Variants in STRIP2 observed in about 807,000 individuals in gnomAD.
STRIP2 encodes the protein striatin-interacting protein 2.
A neutral mutation model predicts 107.1 loss-of-function variants in STRIP2; 84 were observed. The ratio of observed to expected loss-of-function variants is 0.78; its 90% confidence interval spans 0.66 to 0.94. STRIP2 has a LOEUF of 0.94. STRIP2 is among the 40% of genes least tolerant of loss of function. STRIP2 has a pLI of 0.00. For synonymous variants in STRIP2, 394 were observed against 400.4 expected, an observed-to-expected ratio of 0.98 and a Z score of 0.19; for missense variants, 888 against 1,034.2, an observed-to-expected ratio of 0.86 and a Z score of 1.94.
At chr7:129,475,494 C>G (rs1052622564) in intron 18 of STRIP2, among the ~76,000 whole-genome samples, 2 of 147,832 alleles carry the variant, frequency 1.4e-5, no homozygotes, top group Non-Finnish European at 3.0e-5. Flanking sequence ...TGGGGCCTTC[C>G]GCAGTGTTTG....
At position 129,485,925 on chromosome 7, in the gene STRIP2, G is replaced by A; in HGVS notation, c.*96G>A. The A allele has an allele frequency of 7.1e-7, 1 of 1,400,930 alleles. No homozygotes were observed. The highest frequency in any genetic ancestry group is 2.3e-5 in the East Asian group (1 of 43,522). 86.8% of individuals were successfully genotyped at this position (1,400,930 alleles called of 1,614,324 possible). On this transcript the variant is annotated 3_prime_UTR_variant, in exon 21 of 21. Coordinates refer to ENST00000249344, the MANE Select transcript of STRIP2 (RefSeq NM_020704.3). Reference sequence around the variant, plus strand: ...CATACAGGCGCTGTTACCAGTTCAGGGCTCTTCTGGGGGCTCTTGGGCCTA... The same window carrying A: ...CATACAGGCGCTGTTACCAGTTCAGAGCTCTTCTGGGGGCTCTTGGGCCTA...
chr7:129,460,521 A>T (rs1798503928), intron 13 of STRIP2, 149 bp downstream of exon 13: 1 of 680,884 alleles, frequency 1.5e-6, no homozygotes, highest in Admixed American at 2.7e-5. Flanking sequence ...TGATATATTG[A>T]AGTTGGGGAA....
intron 19 of STRIP2, among the ~76,000 whole-genome samples, chr7:129,482,145 C>A (rs1799134033): frequency 6.6e-6 from 1 of 151,776 alleles, no homozygotes; most frequent in South Asian, 2.1e-4. Context: ...GAGTAAGACT[C>A]CATCTTAAAA....
In STRIP2 at chr7:129,458,817, C is replaced by CCTAG; in HGVS notation, c.1340+41_1340+44dup. 1.3e-6 allele frequency: 2 copies of CCTAG among 1,598,676 alleles called. No individual in the cohort carries two copies. The highest frequency in any genetic ancestry group is 1.7e-6 in the Non-Finnish European group (2 of 1,166,246). On this transcript the variant is annotated intron_variant, in intron 11 of 20. Coordinates refer to ENST00000249344, the MANE Select transcript of STRIP2 (RefSeq NM_020704.3). The surrounding 1 kb of genome is among the most constrained non-coding windows in gnomAD (Gnocchi z 4.6). ...GGCTGGAACTGGCTACAGAGTGGTTCCTAGGGGGCCAGAGGAGCAGGTAGC... is the reference window on the plus strand; with the variant it reads ...GGCTGGAACTGGCTACAGAGTGGTTCCTAGCTAGGGGGCCAGAGGAGCAGGTAGC...
At chr7:129,443,954 C>T in intron 2 of STRIP2, 70 bp from the exon 3 acceptor site, 1 of 1,168,952 alleles carries the variant, frequency 8.6e-7, no homozygotes, top group Non-Finnish European at 1.3e-6. Context: ...TCTTTCATGC[C>T]ACCCTCTCTA....
At chr7:129,477,635 TCTTTTAAGCTATCCAGATCTATGTC>T (rs1799006756) in intron 18 of STRIP2, among the ~76,000 whole-genome samples, 1 of 152,244 alleles carries the variant, frequency 6.6e-6, no homozygotes, top group Non-Finnish European at 1.5e-5. Context: ...ACCATTACTC[TCTTTTAAGCTATCCAGATCTATGTC>T]CTTAATCTAG....
At chr7:129,446,767 G>T (rs1451072790) in intron 3 of STRIP2, among the ~76,000 whole-genome samples, 1 of 152,160 alleles carries the variant, frequency 6.6e-6, no homozygotes, top group Non-Finnish European at 1.5e-5. Flanking sequence ...TAACTTACTT[G>T]TGCCTTCAGG....
At chr7:129,462,252 T>C (rs1159183701) in intron 13 of STRIP2, among the ~76,000 whole-genome samples, 5 of 152,176 alleles carry the variant, frequency 3.3e-5, no homozygotes, top group Non-Finnish European at 7.3e-5. Context: ...AAGCAGCAGA[T>C]TAGTTGTGTG....
intron 9 of STRIP2, among the ~76,000 whole-genome samples, chr7:129,457,045 A>G (rs1430546403): frequency 6.6e-6 from 1 of 152,082 alleles, no homozygotes; most frequent in Non-Finnish European, 1.5e-5. Context: ...AGCACCAGGA[A>G]GTTTTACTGT....
At chr7:129,449,188 C>A (rs1798116896) in intron 3 of STRIP2, among the ~76,000 whole-genome samples, 1 of 152,216 alleles carries the variant, frequency 6.6e-6, no homozygotes. Flanking sequence ...TGAGCCTGAT[C>A]CAACTCTGTG....
rs1799094621 is a variant in STRIP2, at chr7:129,480,722, A to G, written c.1945-63A>G. 7 of 1,400,670 alleles carry G rather than the reference A, an allele frequency of 5.0e-6. No homozygotes were observed. The Admixed American group carries it at 5.9e-5, about 12-fold the overall frequency. The allele number at this position is 1,400,670 out of a possible 1,614,324, so 86.8% of individuals were successfully genotyped here. A position where few individuals can be genotyped will look rare whatever the true frequency, so the allele number is the denominator to read the frequency against. On this transcript the variant is annotated intron_variant, in intron 18 of 20. Transcript: ENST00000249344. ...CCTAAACTGACCAACATTGACTTCC[A>G]GGCTTCTGTGGGAATTAAAGCCTTG...
chr7:129,474,991 T>C (rs897255642), intron 18 of STRIP2, among the ~76,000 whole-genome samples: 3 of 152,244 alleles, frequency 2.0e-5, no homozygotes, highest in African/African-American at 7.2e-5. Context: ...TCTTCACCAA[T>C]ATACTAAGTA....
intron 18 of STRIP2, 100 bp from the exon 19 acceptor site, chr7:129,480,685 A>G: frequency 2.3e-6 from 2 of 866,152 alleles, no homozygotes; most frequent in South Asian, 3.4e-5. Context: ...TATTTCATAC[A>G]GGAAGGCCTC....
At chr7:129,477,469 C>A (rs1019614074) in intron 18 of STRIP2, among the ~76,000 whole-genome samples, 2 of 152,012 alleles carry the variant, frequency 1.3e-5, no homozygotes, top group Non-Finnish European at 2.9e-5. Context: ...ATAATGGGTT[C>A]TTGGGGAGAT....
rs2151020163 is a variant in STRIP2 at position 129,481,998 on chromosome 7, T to G, written c.2050-844T>G. 1.3e-5 allele frequency among the ~76,000 whole-genome samples: 2 copies of G among 151,842 alleles called. 1 individual carries two copies. Among genetic ancestry groups the G allele is most frequent in the Non-Finnish European group, 2.9e-5 (2 of 67,926 alleles). ...GCCTGACCAACATGATGAAACCCCA[T>G]CTCTACTAAAAATTAGCTGGGTGTG... On this transcript the variant is annotated intron_variant, in intron 19 of 20. Coordinates refer to ENST00000249344, the MANE Select transcript of STRIP2 (RefSeq NM_020704.3).
chr7:129,467,502 A>G (rs1429973697), intron 17 of STRIP2, 52 bp downstream of exon 17: 5 of 1,320,654 alleles, frequency 3.8e-6, no homozygotes, highest in Non-Finnish European at 5.4e-6. Context: ...GGTGGTTGAG[A>G]AAATTACATC....
chr7:129,476,373 TCTC>T (rs1227540981), intron 18 of STRIP2, among the ~76,000 whole-genome samples: 10 of 139,308 alleles, frequency 7.2e-5, no homozygotes, highest in Non-Finnish European at 1.4e-4. Flanking sequence ...GCTCCTCACT[TCTC>T]AGACGGGGCG....
At position 129,444,158 on chromosome 7, in the gene STRIP2, A is replaced by G. The variant is rs1015014266; in HGVS notation, c.274+60A>G. ...TTTCCTTTTATGATATACCAGCCTG[A>G]TCTAGTAAAAGACTAAAACAAAGTG... On this transcript the variant is annotated intron_variant, in intron 3 of 20. Coordinates refer to ENST00000249344, the MANE Select transcript of STRIP2 (RefSeq NM_020704.3). 43 of 1,300,418 alleles carry G rather than the reference A, an allele frequency of 3.3e-5. No individual in the cohort carries two copies. In the African/African-American group the frequency reaches 5.5e-4, roughly 17 times the overall value. 80.6% of individuals were successfully genotyped at this position (1,300,418 alleles called of 1,614,324 possible).
At chr7:129,457,151 C>T (rs1407255292) in intron 9 of STRIP2, among the ~76,000 whole-genome samples, 2 of 152,138 alleles carry the variant, frequency 1.3e-5, no homozygotes, top group South Asian at 2.1e-4. Flanking sequence ...TGACACTAAA[C>T]GACAGGGATA....
Sources: allele counts gnomAD v4.1 joint callset (sites outside exome capture counted in the v4.1 genomes callset), GRCh38; gene constraint gnomAD v4.1.1; non-coding constraint Gnocchi (gnomAD v3.1); transcripts MANE v1.5; gene names NCBI Gene and HGNC (gene_info 2026-07-23, HGNC 2026-07-21).